ENOSF1: variants seen among roughly 807,000 people sequenced by gnomAD.
ENOSF1 encodes enolase superfamily member 1.
ENOSF1 carries 73 observed loss-of-function variants against 68.2 expected under a neutral mutation model. That is an observed-to-expected ratio of 1.07 (90% CI 0.89 to 1.30). ENOSF1 has a LOEUF of 1.30. Among genes scored for constraint, ENOSF1 ranks in the 50% most tolerant of loss-of-function variants. ENOSF1 has a pLI of 0.00. For synonymous variants in ENOSF1, 223 were observed against 210.4 expected, an observed-to-expected ratio of 1.06 and a Z score of -0.52; for missense variants, 589 against 554.5, an observed-to-expected ratio of 1.06 and a Z score of -0.62.
At chr18:664,073 T>G in the ENOSF1 span, among the ~76,000 whole-genome samples, 1 of 143,784 alleles carries the variant, frequency 7.0e-6, no homozygotes, top group Admixed American at 6.8e-5. Context: ...GGTAGCTTGA[T>G]GGGGATGGCA....
Position 683,218 on chromosome 18 carries a change from G to A in ENOSF1, c.876+28C>T, listed in dbSNP as rs777375343. 7.4e-6 allele frequency: 12 copies of A among 1,612,780 alleles called. No homozygotes were observed. In the South Asian group the frequency reaches 8.8e-5, roughly 12 times the overall value. ...GGAAAACTAAACAGAAAAATAAGCTGCCACAGCAGCAGCAGCCGTTTTCCT... is the reference window on the plus strand; with the variant it reads ...GGAAAACTAAACAGAAAAATAAGCTACCACAGCAGCAGCAGCCGTTTTCCT... On this transcript the variant is annotated intron_variant, in intron 11 of 15. Transcript: ENST00000647584.
downstream of ENOSF1, among the ~76,000 whole-genome samples, chr18:667,119 T>A (rs287601): frequency 8.3e-5 from 6 of 72,314 alleles, no homozygotes; most frequent in Non-Finnish European, 1.0e-4. Flanking sequence ...ATGGTGATGG[T>A]GATGGTGATG....
In ENOSF1 at chr18:693,919, A is replaced by C. The variant is rs1568090483; in HGVS notation, c.397-11T>G. On this transcript the variant is annotated splice_polypyrimidine_tract_variant and intron_variant, in intron 4 of 15. Transcript: ENST00000647584. ...TAACTTCCAGACAGGCTTGAAGTAA[A>C]AAAGAAAGGATTTGTAAGACATATG... 7 of 1,613,858 alleles carry C rather than the reference A, an allele frequency of 4.3e-6. No individual in the cohort carries two copies. The highest frequency in any genetic ancestry group is 5.1e-6 in the Non-Finnish European group (6 of 1,179,978).
At chr18:697,733 A>T (rs1469418776) in intron 2 of ENOSF1, among the ~76,000 whole-genome samples, 2 of 152,168 alleles carry the variant, frequency 1.3e-5, no homozygotes, top group Non-Finnish European at 2.9e-5. Context: ...CCTGGGCAAC[A>T]AGAGTGAGAC....
chr18:673,060 T>TA lies in ENOSF1; in HGVS notation c.*1244dup. Reference sequence around the variant, plus strand: ...TTAGGGGTTGGGCTGGATGCCGAGGTAAAAGTTCTTTTTGCTCTAAAAGAA... The same window carrying TA: ...TTAGGGGTTGGGCTGGATGCCGAGGTAAAAAGTTCTTTTTGCTCTAAAAGAA... On this transcript the variant is annotated 3_prime_UTR_variant, in exon 16 of 16. Transcript: ENST00000647584. The TA allele has an allele frequency of 7.0e-7, 1 of 1,431,622 alleles. No individual in the cohort carries two copies. Among genetic ancestry groups the TA allele is most frequent in the Non-Finnish European group, 9.3e-7 (1 of 1,074,874 alleles). 88.7% of individuals were successfully genotyped at this position (1,431,622 alleles called of 1,614,324 possible). A position where few individuals can be genotyped will look rare whatever the true frequency, so the allele number is the denominator to read the frequency against.
intron 2 of ENOSF1, among the ~76,000 whole-genome samples, chr18:701,415 T>C (rs755395796): frequency 3.3e-5 from 5 of 151,712 alleles, no homozygotes; most frequent in African/African-American, 4.8e-5. Context: ...TAACTTCCAT[T>C]CAGTTTTGCT....
chr18:663,980 G>T, the ENOSF1 span, among the ~76,000 whole-genome samples: 1 of 100,184 alleles, frequency 1.0e-5, no homozygotes, highest in Admixed American at 8.4e-5. Flanking sequence ...TTTTGGCTTA[G>T]GATTGACTTG....
At chr18:699,817 C>G (rs977883510) in intron 2 of ENOSF1, among the ~76,000 whole-genome samples, 4 of 152,176 alleles carry the variant, frequency 2.6e-5, no homozygotes, top group African/African-American at 9.7e-5. Flanking sequence ...CGGTGGCTCA[C>G]GTCTGTAATC....
rs556695069 is a variant in ENOSF1 at position 690,618 on chromosome 18, C to T, written c.549G>A (p.Leu183=). Reference sequence around the variant, plus strand: ...TCGTGTAAGCAGGGTATCCTTGTGCCAGCATTTGCTTCTCTGTGAAAACAC... The same window carrying T: ...TCGTGTAAGCAGGGTATCCTTGTGCTAGCATTTGCTTCTCTGTGAAAACAC... ...IGKKEREKQM[L]AQGYPAYTTS... The change falls in exon 8 of 16, where the codon CTG becomes CTA. Residue 183 remains leucine (L), a synonymous_variant. Transcript: ENST00000647584. 6.2e-6 allele frequency: 10 copies of T among 1,613,574 alleles called. No homozygotes were observed. The African/African-American group carries it at 1.3e-4, about 22-fold the overall frequency.
intron 9 of ENOSF1, chr18:687,682 A>T (rs2076741803): frequency 6.6e-6 from 1 of 152,270 alleles, no homozygotes; most frequent in African/African-American, 2.4e-5. Context: ...TCATCCAGAG[A>T]AGGTCTTAGG....
chr18:685,794 G>A lies in ENOSF1; in HGVS notation c.741+127C>T. 9 of 754,506 alleles carry A rather than the reference G, an allele frequency of 1.2e-5. No individual in the cohort carries two copies. The South Asian group carries it at 1.5e-4, about 13-fold the overall frequency. The allele number at this position is 754,506 out of a possible 1,614,324, so 46.7% of individuals were successfully genotyped here. A position where few individuals can be genotyped will look rare whatever the true frequency, so the allele number is the denominator to read the frequency against. On this transcript the variant is annotated intron_variant, in intron 10 of 15. Coordinates refer to ENST00000647584, the MANE Select transcript of ENOSF1 (RefSeq NM_017512.7). ...TTTTGTTTGAGCTCGCCTACTGCAAGACCACAGAAGTGTACTTCCTCTGAC... is the reference window on the plus strand; with the variant it reads ...TTTTGTTTGAGCTCGCCTACTGCAAAACCACAGAAGTGTACTTCCTCTGAC...
chr18:690,724 C>CAGCTGTTTCCCCTGGAGAGTCT, intron 7 of ENOSF1, 93 bp from the exon 8 acceptor site: 1 of 1,561,984 alleles, frequency 6.4e-7, no homozygotes. Context: ...CTGGAGAGTC[C>CAGCTGTTTCCCCTGGAGAGTCT]AGCTGTTCTC....
At chr18:693,543 C>A (rs1016514638) in intron 5 of ENOSF1, 11 of 985,196 alleles carry the variant, frequency 1.1e-5, no homozygotes, top group Non-Finnish European at 1.3e-5. Flanking sequence ...TCTCATTGAT[C>A]TTTAATTTTG....
intron 1 of ENOSF1, among the ~76,000 whole-genome samples, chr18:711,682 G>A (rs1236931791): frequency 1.3e-5 from 2 of 152,062 alleles, no homozygotes; most frequent in African/African-American, 4.8e-5. Flanking sequence ...AACACCCTCA[G>A]TAAGCAAAAA....
At chr18:702,576 C>CA (rs952310572) in intron 2 of ENOSF1, among the ~76,000 whole-genome samples, 11 of 150,460 alleles carry the variant, frequency 7.3e-5, no homozygotes, top group African/African-American at 2.2e-4. Context: ...CTCTGTCTCT[C>CA]AAAAAAAAGA....
At chr18:694,085 T>A (rs2077477510) in intron 4 of ENOSF1, among the ~76,000 whole-genome samples, 163 bp downstream of exon 4, 1 of 152,092 alleles carries the variant, frequency 6.6e-6, no homozygotes, top group African/African-American at 2.4e-5. Context: ...CTCCTGCAGT[T>A]CCCTACCTAC....
At chr18:695,020 GA>G (rs1239924641) in intron 3 of ENOSF1, among the ~76,000 whole-genome samples, 1 of 152,132 alleles carries the variant, frequency 6.6e-6, no homozygotes, top group Admixed American at 6.5e-5. Context: ...AACATTGATA[GA>G]ATATTGCTGT....
At chr18:685,684 T>A (rs779594149) in intron 10 of ENOSF1, among the ~76,000 whole-genome samples, 2 of 152,168 alleles carry the variant, frequency 1.3e-5, no homozygotes, top group Non-Finnish European at 2.9e-5. Context: ...ACATCTGTGT[T>A]AGTAAGAAAG....
At chr18:676,339 G>C (rs1028904301) in intron 14 of ENOSF1, among the ~76,000 whole-genome samples, 1 of 152,188 alleles carries the variant, frequency 6.6e-6, no homozygotes, top group Non-Finnish European at 1.5e-5. Context: ...GGGCCTGCTG[G>C]GAGGTGATTG....
Sources: allele counts gnomAD v4.1 joint callset (sites outside exome capture counted in the v4.1 genomes callset), GRCh38; gene constraint gnomAD v4.1.1; transcripts MANE v1.5; gene names NCBI Gene and HGNC (gene_info 2026-07-23, HGNC 2026-07-21).